Variants in CDH20 observed in about 807,000 individuals in gnomAD.
The protein encoded by CDH20 is cadherin-20.
CDH20 carries 29 observed loss-of-function variants against 74.2 expected under a neutral mutation model. That is an observed-to-expected ratio of 0.39 (90% confidence interval 0.29 to 0.53). The LOEUF is 0.53. Ranked by LOEUF, CDH20 falls within the 20% of genes least tolerant of loss-of-function variation. The pLI, the probability that CDH20 is intolerant of heterozygous loss-of-function variation, is 0.69. For synonymous variants in CDH20, 469 were observed against 405.4 expected (o/e 1.16, Z -1.88); for missense variants, 988 against 1,048.3 (o/e 0.94, Z 0.79).
At chr18:61,437,126 A>G (rs965848784) in intron 1 of CDH20, among the ~76,000 whole-genome samples, 1 of 152,180 alleles carries the variant, frequency 6.6e-6, no homozygotes, top group Non-Finnish European at 1.5e-5. Flanking sequence ...TTAATATTCA[A>G]TACACTCAAG....
chr18:61,453,134 C>T (rs1407191421), intron 1 of CDH20, among the ~76,000 whole-genome samples: 2 of 152,102 alleles, frequency 1.3e-5, no homozygotes, highest in Non-Finnish European at 2.9e-5. Context: ...CTTTATGTTA[C>T]CCTTTTATAG....
chr18:61,554,792 G>C lies in CDH20; in HGVS notation c.*97G>C, dbSNP rs891723514. Reference sequence around the variant, plus strand: ...CAACCACACGAGCAATACTGTGCTGGAGAGTGAGAATGGGGGTGAGCAGGC... The same window carrying C: ...CAACCACACGAGCAATACTGTGCTGCAGAGTGAGAATGGGGGTGAGCAGGC... On this transcript the variant is annotated 3_prime_UTR_variant, in exon 12 of 12. Coordinates refer to ENST00000262717, the MANE Select transcript of CDH20 (RefSeq NM_031891.4). 4.1e-6 allele frequency: 6 copies of C among 1,446,432 alleles called. No homozygotes were observed. The Admixed American group carries it at 7.6e-5, about 18-fold the overall frequency. 89.6% of individuals were successfully genotyped at this position (1,446,432 alleles called of 1,614,324 possible). A position where few individuals can be genotyped will look rare whatever the true frequency, so the allele number is the denominator to read the frequency against.
chr18:61,411,625 A>G (rs1912510656), intron 1 of CDH20, among the ~76,000 whole-genome samples: 1 of 125,506 alleles, frequency 8.0e-6, no homozygotes, highest in Non-Finnish European at 1.7e-5. Context: ...TATATGTGAG[A>G]TATGTATCCA....
In CDH20 at chr18:61,400,501, C is replaced by T. The variant is rs187292528; in HGVS notation, c.-153+66674C>T. ...GAGATTATGTGCAAGTGAAAATGAGCAAAGGGAGATGGAATGTCTATCAAA... is the reference window on the plus strand; with the variant it reads ...GAGATTATGTGCAAGTGAAAATGAGTAAAGGGAGATGGAATGTCTATCAAA... On this transcript the variant is annotated intron_variant, in intron 1 of 11. Coordinates refer to ENST00000262717, the MANE Select transcript of CDH20 (RefSeq NM_031891.4). Among the ~76,000 whole-genome samples, 8 of 152,254 alleles carry T rather than the reference C, an allele frequency of 5.3e-5. 1 individual carries two copies. In the East Asian group the frequency reaches 1.5e-3, roughly 29 times the overall value.
At chr18:61,342,893 G>A (rs916021457) in intron 1 of CDH20, among the ~76,000 whole-genome samples, 2 of 152,138 alleles carry the variant, frequency 1.3e-5, no homozygotes, top group Non-Finnish European at 2.9e-5. Flanking sequence ...AAGTCAACAT[G>A]CCTTCATTAA....
intron 1 of CDH20, among the ~76,000 whole-genome samples, chr18:61,478,903 C>T (rs1910488854): frequency 1.3e-5 from 2 of 151,976 alleles, no homozygotes; most frequent in South Asian, 4.2e-4. Context: ...TTTCCACTTC[C>T]TTGATCCTGT....
At chr18:61,449,119 C>T (rs1002062299) in intron 1 of CDH20, among the ~76,000 whole-genome samples, 4 of 152,126 alleles carry the variant, frequency 2.6e-5, no homozygotes, top group African/African-American at 7.2e-5. Flanking sequence ...TAAAGTCAAA[C>T]GTGAGCCCAA....
At chr18:61,397,093 G>A (rs1052720548) in intron 1 of CDH20, among the ~76,000 whole-genome samples, 7 of 152,064 alleles carry the variant, frequency 4.6e-5, no homozygotes, top group African/African-American at 1.4e-4. Flanking sequence ...GGAGAGGTAG[G>A]TGTTGCTTCC....
chr18:61,486,805 G>A (rs572085124), intron 1 of CDH20, among the ~76,000 whole-genome samples: 2 of 152,250 alleles, frequency 1.3e-5, no homozygotes, highest in East Asian at 3.9e-4. Context: ...GGAGTCGACT[G>A]ACTGCTTCTA....
chr18:61,410,798 A>T (rs1312179983), intron 1 of CDH20, among the ~76,000 whole-genome samples: 1 of 152,252 alleles, frequency 6.6e-6, no homozygotes, highest in Non-Finnish European at 1.5e-5. Context: ...AGAAGGAAAC[A>T]TATGTAAGTA....
At chr18:61,354,736 A>G (rs1910440862) in intron 1 of CDH20, among the ~76,000 whole-genome samples, 1 of 152,080 alleles carries the variant, frequency 6.6e-6, no homozygotes, top group African/African-American at 2.4e-5. Context: ...ACCCTAACAT[A>G]TATTGATATT....
In CDH20 at chr18:61,383,981, C is replaced by G. The variant is rs1911517703; in HGVS notation, c.-153+50154C>G. 2.0e-5 allele frequency among the ~76,000 whole-genome samples: 3 copies of G among 152,130 alleles called. No homozygotes were observed. In the South Asian group the frequency reaches 6.2e-4, roughly 32 times the overall value. On this transcript the variant is annotated intron_variant, in intron 1 of 11. Coordinates refer to ENST00000262717, the MANE Select transcript of CDH20 (RefSeq NM_031891.4). ...CAGATCTCAGAAGAAGCCTCCCCTA[C>G]CATGCACACAAGTGTGTCACAGACA...
chr18:61,399,388 T>C (rs575887979), intron 1 of CDH20, among the ~76,000 whole-genome samples: 154 of 152,328 alleles, frequency 1.0e-3, no homozygotes, highest in African/African-American at 3.5e-3. Context: ...ATTTTCCAAT[T>C]TTAAAATCCA....
Position 61,555,651 on chromosome 18 carries a change from GAATA to G in CDH20, c.*960_*963del, listed in dbSNP as rs1913604241. The G allele has an allele frequency of 1.0e-6, 1 of 981,598 alleles. No homozygotes were observed. The highest frequency in any genetic ancestry group is 1.2e-6 in the Non-Finnish European group (1 of 826,440). The allele number at this position is 981,598 out of a possible 1,614,324, so 60.8% of individuals were successfully genotyped here. ...CTTGAACAAAAATCAGTATTATAGA[GAATA>G]AATGGATGTAAGAAAATTACATGTA... On this transcript the variant is annotated 3_prime_UTR_variant, in exon 12 of 12. Coordinates refer to ENST00000262717, the MANE Select transcript of CDH20 (RefSeq NM_031891.4).
At chr18:61,461,602 G>A (rs1350828598) in intron 1 of CDH20, among the ~76,000 whole-genome samples, 2 of 152,168 alleles carry the variant, frequency 1.3e-5, no homozygotes, top group Non-Finnish European at 2.9e-5. Flanking sequence ...CCAGTGGAGG[G>A]TGTCCAGGTT....
At chr18:61,371,992 T>A (rs1022597942) in intron 1 of CDH20, among the ~76,000 whole-genome samples, 4 of 152,154 alleles carry the variant, frequency 2.6e-5, no homozygotes, top group Admixed American at 2.6e-4. Flanking sequence ...CTGTGAGAGT[T>A]AAATTGCAAG....
At chr18:61,426,175 C>G (rs1388280400) in intron 1 of CDH20, among the ~76,000 whole-genome samples, 2 of 151,664 alleles carry the variant, frequency 1.3e-5, no homozygotes, top group Admixed American at 6.6e-5. Flanking sequence ...CATTTTACTT[C>G]TTCCTTTCCA....
Position 61,554,778 on chromosome 18 carries a change from G to A in CDH20, c.*83G>A, listed in dbSNP as rs1244329490. Reference sequence around the variant, plus strand: ...GGACAAGGTGCAGCCAACCACACGAGCAATACTGTGCTGGAGAGTGAGAAT... The same window carrying A: ...GGACAAGGTGCAGCCAACCACACGAACAATACTGTGCTGGAGAGTGAGAAT... On this transcript the variant is annotated 3_prime_UTR_variant, in exon 12 of 12. Transcript: ENST00000262717. The A allele has an allele frequency of 3.4e-6, 5 of 1,466,792 alleles. No individual in the cohort carries two copies. In the African/African-American group the frequency reaches 5.6e-5, roughly 16 times the overall value. 90.9% of individuals were successfully genotyped at this position (1,466,792 alleles called of 1,614,324 possible). A position where few individuals can be genotyped will look rare whatever the true frequency, so the allele number is the denominator to read the frequency against.
chr18:61,338,791 A>G (rs1037584253), intron 1 of CDH20, among the ~76,000 whole-genome samples: 2 of 152,162 alleles, frequency 1.3e-5, no homozygotes, highest in African/African-American at 4.8e-5. Flanking sequence ...ATCAAATCAC[A>G]AGTTTAGAGT....
Sources: gnomAD v4.1 joint callset for allele counts (sites outside exome capture counted in the v4.1 genomes callset) on GRCh38, gnomAD v4.1.1 for gene constraint, MANE v1.5 for transcripts, NCBI Gene and HGNC (gene_info 2026-07-23, HGNC 2026-07-21) for gene names.